The following SLC6A5 variants were observed in gnomAD, a reference collection of about 807,000 sequenced individuals.
The protein encoded by SLC6A5 is solute carrier family 6 member 5.
A neutral mutation model predicts 90.5 loss-of-function variants in SLC6A5; 58 were observed. The observed-to-expected ratio is 0.64, with a 90% CI of 0.52 to 0.80. The LOEUF (loss-of-function observed/expected upper bound fraction) is 0.80, where lower values mean the gene tolerates loss of function less well. Among genes scored for constraint, SLC6A5 ranks in the 30% least tolerant of loss-of-function variants. SLC6A5 has a pLI of 0.00. For synonymous variants in SLC6A5, 427 were observed against 401.4 expected (o/e 1.06, Z -0.76); for missense variants, 1,015 against 1,017.6 (o/e 1.00, Z 0.03).
intron 5 of SLC6A5, among the ~76,000 whole-genome samples, chr11:20,608,958 C>CTCTCTCTGTG (rs368771053): frequency 6.3e-5 from 7 of 110,934 alleles, no homozygotes; most frequent in African/African-American, 2.2e-4. Context: ...CTCTCTCTCT[C>CTCTCTCTGTG]TGTGTGTGTG....
At chr11:20,648,731 T>G (rs1171696555) in intron 14 of SLC6A5, among the ~76,000 whole-genome samples, 1 of 152,220 alleles carries the variant, frequency 6.6e-6, no homozygotes, top group Non-Finnish European at 1.5e-5. Context: ...AGATTTCCTC[T>G]TGCTTTTCTT....
At chr11:20,602,949 A>T (rs1267588587) in intron 2 of SLC6A5, among the ~76,000 whole-genome samples, 1 of 152,104 alleles carries the variant, frequency 6.6e-6, no homozygotes, top group Non-Finnish European at 1.5e-5. Flanking sequence ...TGGAACTCCC[A>T]CCCTTTGCAG....
chr11:20,604,437 CGCTCTTTCCGCCT>C lies in SLC6A5; in HGVS notation c.679+16_679+28del. On this transcript the variant is annotated intron_variant, in intron 3 of 15. Coordinates refer to ENST00000525748, the MANE Select transcript of SLC6A5 (RefSeq NM_004211.5). ...CAGAACGGGGGAGGTATGGCTTTTC[CGCTCTTTCCGCCT>C]GCGGCGGGGCGGGGCGGGCACCTGA... 6.2e-7 allele frequency: 1 copy of C among 1,612,514 alleles called. No individual in the cohort carries two copies. Among genetic ancestry groups the C allele is most frequent in the Non-Finnish European group, 8.5e-7 (1 of 1,179,490 alleles).
intron 7 of SLC6A5, among the ~76,000 whole-genome samples, chr11:20,619,401 C>A (rs973560530): frequency 2.6e-5 from 4 of 152,190 alleles, no homozygotes; most frequent in Non-Finnish European, 5.9e-5. Flanking sequence ...TCCACAGGGA[C>A]TTGAGTGGTG....
intron 10 of SLC6A5, among the ~76,000 whole-genome samples, chr11:20,634,562 G>A (rs866934388): frequency 2.6e-5 from 4 of 152,150 alleles, no homozygotes; most frequent in Non-Finnish European, 4.4e-5. Context: ...CCTGACTGTC[G>A]CCAGAACATT....
At chr11:20,645,501 C>T (rs1216883021) in intron 13 of SLC6A5, among the ~76,000 whole-genome samples, 6 of 151,910 alleles carry the variant, frequency 3.9e-5, no homozygotes, top group African/African-American at 7.3e-5. Context: ...GAGGAGCAAG[C>T]GACCAAGGTC....
In SLC6A5 at chr11:20,655,255, A is replaced by G. The variant is rs1373030201; in HGVS notation, c.*387A>G. The G allele has an allele frequency of 2.5e-5, 8 of 325,824 alleles. No homozygotes were observed. The highest frequency in any genetic ancestry group is 4.2e-5 in the Non-Finnish European group (7 of 165,450). 20.2% of individuals were successfully genotyped at this position (325,824 alleles called of 1,614,324 possible). A position where few individuals can be genotyped will look rare whatever the true frequency, so the allele number is the denominator to read the frequency against. On this transcript the variant is annotated 3_prime_UTR_variant, in exon 16 of 16. Transcript: ENST00000525748. Reference sequence around the variant, plus strand: ...GCATGTATAGAGTGGCCGAATTACAAGACTTTATTTGGACTTGAACAGAAC... The same window carrying G: ...GCATGTATAGAGTGGCCGAATTACAGGACTTTATTTGGACTTGAACAGAAC...
chr11:20,643,081 T>C (rs1320881168), intron 13 of SLC6A5, among the ~76,000 whole-genome samples: 1 of 152,204 alleles, frequency 6.6e-6, no homozygotes, highest in Admixed American at 6.5e-5. Context: ...TGCTTATGTG[T>C]ATTCCTTAGG....
intron 6 of SLC6A5, among the ~76,000 whole-genome samples, chr11:20,617,229 C>A (rs1053500595): frequency 1.3e-5 from 2 of 152,222 alleles, no homozygotes; most frequent in Non-Finnish European, 2.9e-5. Context: ...ATTAAGCCAA[C>A]CTCCGCCTCA....
chr11:20,634,068 C>A (rs1340172508), intron 10 of SLC6A5, among the ~76,000 whole-genome samples: 2 of 152,178 alleles, frequency 1.3e-5, no homozygotes, highest in African/African-American at 2.4e-5. Context: ...GACGGGGTTT[C>A]ACCATATTGG....
At chr11:20,618,805 G>A (rs946808288) in intron 7 of SLC6A5, among the ~76,000 whole-genome samples, 4 of 151,926 alleles carry the variant, frequency 2.6e-5, no homozygotes, top group African/African-American at 9.7e-5. Flanking sequence ...GGCATGGTGG[G>A]GGGCACCTGT....
chr11:20,632,150 G>A (rs1199396344), intron 10 of SLC6A5, among the ~76,000 whole-genome samples: 1 of 152,180 alleles, frequency 6.6e-6, no homozygotes, highest in South Asian at 2.1e-4. Context: ...TTTGTCCTTA[G>A]AGGTACTGGA....
At chr11:20,607,247 C>A in intron 4 of SLC6A5, 109 bp downstream of exon 4, 1 of 1,411,428 alleles carries the variant, frequency 7.1e-7, no homozygotes, top group Non-Finnish European at 9.8e-7. Flanking sequence ...ATAGAACTAA[C>A]TCTTTCCTTC....
chr11:20,644,369 G>A (rs573613006), intron 13 of SLC6A5, among the ~76,000 whole-genome samples: 5 of 152,020 alleles, frequency 3.3e-5, no homozygotes, highest in South Asian at 2.1e-4. Flanking sequence ...ATTTTACTTC[G>A]CATAATGTCC....
chr11:20,609,373 A>G (rs1367052701), intron 5 of SLC6A5, among the ~76,000 whole-genome samples: 1 of 151,692 alleles, frequency 6.6e-6, no homozygotes, highest in East Asian at 1.9e-4. Context: ...CTGTGTTATC[A>G]GCACATGAGT....
chr11:20,651,431 G>A (rs921944115), intron 14 of SLC6A5, among the ~76,000 whole-genome samples: 14 of 151,098 alleles, frequency 9.3e-5, no homozygotes, highest in African/African-American at 3.4e-4. Context: ...GTGCCACCAT[G>A]CCTGGCTAAT....
At chr11:20,640,391 C>T (rs967738034) in intron 13 of SLC6A5, among the ~76,000 whole-genome samples, 1 of 152,150 alleles carries the variant, frequency 6.6e-6, no homozygotes, top group Admixed American at 6.5e-5. Flanking sequence ...ATTAAATAGT[C>T]TCCCCCGCAT....
At chr11:20,648,089 C>T (rs2133820654) in intron 14 of SLC6A5, among the ~76,000 whole-genome samples, 1 of 152,204 alleles carries the variant, frequency 6.6e-6, no homozygotes, top group Admixed American at 6.5e-5. Context: ...GAGATCCTTC[C>T]CCATCCTCCT....
chr11:20,628,902 A>C (rs1173211087), intron 9 of SLC6A5, among the ~76,000 whole-genome samples: 1 of 152,218 alleles, frequency 6.6e-6, no homozygotes, highest in East Asian at 1.9e-4. Context: ...CAGTAAACTA[A>C]GGGGTCAGAC....
Sources: allele counts gnomAD v4.1 joint callset (sites outside exome capture counted in the v4.1 genomes callset), GRCh38; gene constraint gnomAD v4.1.1; transcripts MANE v1.5; gene names NCBI Gene and HGNC (gene_info 2026-07-23, HGNC 2026-07-21).